ABCC9: variants seen among roughly 807,000 people sequenced by gnomAD.
ABCC9 encodes the protein ATP binding cassette subfamily C member 9.
In ABCC9, 95 loss-of-function variants were observed where a neutral mutation model predicts 188.3. That is an observed-to-expected ratio of 0.50 (90% CI 0.43 to 0.60). The LOEUF (loss-of-function observed/expected upper bound fraction) is 0.60. Ranked by LOEUF, ABCC9 falls within the 20% of genes least tolerant of loss-of-function variation. The probability of loss-of-function intolerance (pLI) is 0.00; values close to 1 mark genes in which losing one functional copy is unlikely to be tolerated. For synonymous variants in ABCC9, 659 were observed against 652.7 expected, an observed-to-expected ratio of 1.01 and a Z score of -0.15; for missense variants, 1,102 against 1,876.3, an observed-to-expected ratio of 0.59 and a Z score of 7.62.
chr12:21,819,492 C>G (rs555290358), intron 31 of ABCC9, among the ~76,000 whole-genome samples: 1 of 152,282 alleles, frequency 6.6e-6, no homozygotes, highest in African/African-American at 2.4e-5. Flanking sequence ...ATGATCCCAG[C>G]CTTGGAAACA....
intron 37 of ABCC9, among the ~76,000 whole-genome samples, chr12:21,809,152 C>A (rs1942057691): frequency 6.6e-6 from 1 of 151,738 alleles, no homozygotes; most frequent in East Asian, 1.9e-4. Flanking sequence ...GAAGCAAAGT[C>A]AAAAATTATA....
chr12:21,803,172 G>A (rs192806607), intron 39 of ABCC9, among the ~76,000 whole-genome samples: 591 of 151,954 alleles, frequency 3.9e-3, no homozygotes, highest in African/African-American at 0.014. Context: ...GCACACCCAT[G>A]CATTTAGAAA....
Position 21,800,004 on chromosome 12 carries a change from T to G in ABCC9, c.*1040A>C, listed in dbSNP as rs533809571. ...AAATTAGAGCAGGAGCAAATGATCATGTGTGACACCATTGGGCATAAATGT... is the reference window on the plus strand; with the variant it reads ...AAATTAGAGCAGGAGCAAATGATCAGGTGTGACACCATTGGGCATAAATGT... On this transcript the variant is annotated 3_prime_UTR_variant, in exon 40 of 40. Transcript: ENST00000261200. 22 of 152,218 alleles carry G rather than the reference T, an allele frequency of 1.4e-4. No individual in the cohort carries two copies. Among genetic ancestry groups the G allele is most frequent in the Non-Finnish European group, 2.8e-4 (19 of 68,032 alleles). The allele number at this position is 152,218 out of a possible 1,614,324, so 9.4% of individuals were successfully genotyped here. A position where few individuals can be genotyped will look rare whatever the true frequency, so the allele number is the denominator to read the frequency against.
At chr12:21,807,741 T>G (rs966649432) in intron 37 of ABCC9, among the ~76,000 whole-genome samples, 10 of 152,206 alleles carry the variant, frequency 6.6e-5, no homozygotes, top group Non-Finnish European at 1.2e-4. Context: ...AGAAAGATCT[T>G]GGAAATTATT....
intron 21 of ABCC9, among the ~76,000 whole-genome samples, chr12:21,860,618 C>A (rs1945456856): frequency 6.6e-6 from 1 of 152,108 alleles, no homozygotes; most frequent in Non-Finnish European, 1.5e-5. Context: ...AACAGATTTT[C>A]AACAAGGTTG....
chr12:21,889,951 CATT>C (rs757847537), intron 14 of ABCC9, among the ~76,000 whole-genome samples: 5 of 152,078 alleles, frequency 3.3e-5, no homozygotes, highest in South Asian at 2.1e-4. Context: ...GATGTTTTGT[CATT>C]GTTGTTGTTT....
Position 21,852,386 on chromosome 12 carries a change from A to G in ABCC9, c.2625T>C (p.Tyr875=), listed in dbSNP as rs1471028467. 5 of 1,614,018 alleles carry G rather than the reference A, an allele frequency of 3.1e-6. No homozygotes were observed. In the Admixed American group the frequency reaches 6.7e-5, roughly 22 times the overall value. The part of the protein sequence containing the change: ...TLVLVTHKLQ[Y]LTHADWIIAM... ...CTCTTACCCAGTCAGCATGCGTCAGATACTGTAATTTGTGAGTCACAAGAA... is the reference window on the plus strand; with the variant it reads ...CTCTTACCCAGTCAGCATGCGTCAGGTACTGTAATTTGTGAGTCACAAGAA... Residue 875 remains tyrosine, a synonymous_variant, in exon 23 of 40, where the codon TAT becomes TAC. Transcript: ENST00000261200.
intron 39 of ABCC9, chr12:21,805,153 G>C (rs750148439): frequency 3.7e-6 from 6 of 1,613,834 alleles, no homozygotes; most frequent in East Asian, 4.5e-5. Context: ...TGACAGACTT[G>C]GTGCAATAGA....
intron 12 of ABCC9, among the ~76,000 whole-genome samples, chr12:21,897,080 T>A (rs1947465574): frequency 6.6e-6 from 1 of 152,162 alleles, no homozygotes. Flanking sequence ...CTCACCAGCA[T>A]CTGTTGTTTC....
chr12:21,843,568 T>C (rs1159964342), intron 28 of ABCC9, among the ~76,000 whole-genome samples: 1 of 152,204 alleles, frequency 6.6e-6, no homozygotes, highest in Non-Finnish European at 1.5e-5. Flanking sequence ...TTTTCTTAAA[T>C]TGGTATAGAG....
intron 25 of ABCC9, among the ~76,000 whole-genome samples, chr12:21,847,092 A>G (rs890687185): frequency 1.3e-5 from 2 of 152,070 alleles, no homozygotes; most frequent in Non-Finnish European, 2.9e-5. Context: ...ATGTACTGTA[A>G]TTGGCTCTTC....
At chr12:21,804,857 G>C (rs1345787632) in intron 39 of ABCC9, among the ~76,000 whole-genome samples, 2 of 152,200 alleles carry the variant, frequency 1.3e-5, no homozygotes, top group African/African-American at 4.8e-5. Flanking sequence ...AAATGTGTAT[G>C]GCATTTTTAT....
chr12:21,933,698 G>A, intron 4 of ABCC9, 84 bp downstream of exon 4: 1 of 1,507,062 alleles, frequency 6.6e-7, no homozygotes, highest in Non-Finnish European at 9.2e-7. Context: ...ACATTTATGG[G>A]CACAAGTTAC....
Position 21,894,184 on chromosome 12 carries a change from G to A in ABCC9, c.1660-10C>T. On this transcript the variant is annotated splice_polypyrimidine_tract_variant and intron_variant, in intron 13 of 39. Coordinates refer to ENST00000261200, the MANE Select transcript of ABCC9 (RefSeq NM_020297.4). The stretch of plus-strand genomic sequence containing the variant: ...CATGGGTCACAAATGTCTGTGCAAA[G>A]AAAGGAGTTCTTTAGAGAAAGCTGG... 6.2e-7 allele frequency: 1 copy of A among 1,613,964 alleles called. No homozygotes were observed. Among genetic ancestry groups the A allele is most frequent in the Middle Eastern group, 1.7e-4 (1 of 6,060 alleles).
chr12:21,877,137 G>C (rs1171436312), intron 16 of ABCC9, among the ~76,000 whole-genome samples: 1 of 152,142 alleles, frequency 6.6e-6, no homozygotes, highest in Non-Finnish European at 1.5e-5. Flanking sequence ...TACAAAGAAG[G>C]CATAATGCAT....
intron 14 of ABCC9, among the ~76,000 whole-genome samples, chr12:21,892,619 C>G (rs1240235668): frequency 2.0e-5 from 3 of 152,184 alleles, no homozygotes; most frequent in East Asian, 3.8e-4. Context: ...GGCTTGAGCT[C>G]TAGACACTAA....
At position 21,842,587 on chromosome 12, in the gene ABCC9, A is replaced by G. The variant is rs558768955; in HGVS notation, c.3316-116T>C. On this transcript the variant is annotated intron_variant, in intron 28 of 39. Coordinates refer to ENST00000261200, the MANE Select transcript of ABCC9 (RefSeq NM_020297.4). ...ACACAGTTAACTACCAAAGTAGTGTATAAGCATGTTCATCCTAAGCAATTC... is the reference window on the plus strand; with the variant it reads ...ACACAGTTAACTACCAAAGTAGTGTGTAAGCATGTTCATCCTAAGCAATTC... 9 of 1,018,722 alleles carry G rather than the reference A, an allele frequency of 8.8e-6. No individual in the cohort carries two copies. The East Asian group carries it at 2.2e-4, about 25-fold the overall frequency. The allele number at this position is 1,018,722 out of a possible 1,614,324, so 63.1% of individuals were successfully genotyped here. A position where few individuals can be genotyped will look rare whatever the true frequency, so the allele number is the denominator to read the frequency against.
At chr12:21,868,420 A>G (rs906080322) in intron 18 of ABCC9, among the ~76,000 whole-genome samples, 2 of 152,166 alleles carry the variant, frequency 1.3e-5, no homozygotes, top group South Asian at 2.1e-4. Context: ...CAGGCGGATT[A>G]TGAGGTCAGG....
intron 38 of ABCC9, 26 bp downstream of exon 38, chr12:21,807,320 T>C (rs1941926621): frequency 6.2e-7 from 1 of 1,613,548 alleles, no homozygotes; most frequent in African/African-American, 1.3e-5. Flanking sequence ...ATTCGTCAAT[T>C]TTAAAAGCTT....
Sources: allele counts gnomAD v4.1 joint callset (sites outside exome capture counted in the v4.1 genomes callset), GRCh38; gene constraint gnomAD v4.1.1; transcripts MANE v1.5; gene names NCBI Gene and HGNC (gene_info 2026-07-23, HGNC 2026-07-21).